Variants in IL1RAPL2 observed in about 807,000 individuals in gnomAD.
The protein encoded by IL1RAPL2 is interleukin 1 receptor accessory protein like 2.
A neutral mutation model predicts 44.1 loss-of-function variants in IL1RAPL2; 3 were observed. The observed-to-expected ratio is 0.07, with a 90% confidence interval of 0.03 to 0.18. The LOEUF (loss-of-function observed/expected upper bound fraction) is 0.18, where lower values mean the gene tolerates loss of function less well. Ranked by LOEUF, IL1RAPL2 falls within the 10% of genes least tolerant of loss-of-function variation. The pLI, the probability that IL1RAPL2 is intolerant of heterozygous loss-of-function variation, is 1.00. For missense variants in IL1RAPL2, 391 were observed against 496.4 expected (o/e 0.79, Z 2.02); for synonymous variants, 181 against 178.8 (o/e 1.01, Z -0.10).
chrX:104,845,841 A>G (rs1922034902), intron 2 of IL1RAPL2, among the ~76,000 whole-genome samples: 1 of 111,690 alleles, frequency 9.0e-6, no homozygotes, highest in African/African-American at 3.3e-5. Context: ...TTAGGTTTTC[A>G]TTGTCCCTCC....
At chrX:105,532,688 C>CCTCATG (rs1169934320) in intron 6 of IL1RAPL2, among the ~76,000 whole-genome samples, 1 of 110,703 alleles carries the variant, frequency 9.0e-6, no homozygotes, top group Non-Finnish European at 1.9e-5. Flanking sequence ...ATCCCTTTCA[C>CCTCATG]CTCATGCCTG....
intron 6 of IL1RAPL2, among the ~76,000 whole-genome samples, chrX:105,669,612 A>G (rs959602667): frequency 9.0e-6 from 1 of 110,739 alleles, no homozygotes; most frequent in African/African-American, 3.3e-5. Context: ...GATCCCATAT[A>G]CTCTTTACCC....
At chrX:104,889,463 G>T (rs965127367) in intron 2 of IL1RAPL2, among the ~76,000 whole-genome samples, 5 of 111,908 alleles carry the variant, frequency 4.5e-5, no homozygotes, top group African/African-American at 1.6e-4. Context: ...TACACAAACA[G>T]TTCTGTCTAC....
intron 2 of IL1RAPL2, among the ~76,000 whole-genome samples, chrX:105,036,970 G>T: frequency 8.9e-6 from 1 of 111,777 alleles, no homozygotes; most frequent in Non-Finnish European, 1.9e-5. Flanking sequence ...CTCTATCTTA[G>T]CTGACAAGTT....
chrX:105,381,992 G>A (rs1295943267), intron 5 of IL1RAPL2, among the ~76,000 whole-genome samples: 1 of 111,220 alleles, frequency 9.0e-6, no homozygotes, highest in Non-Finnish European at 1.9e-5. Flanking sequence ...AGACTTAAAT[G>A]TTAGACCTAA....
chrX:104,928,101 C>T (rs913171558), intron 2 of IL1RAPL2, among the ~76,000 whole-genome samples: 9 of 111,746 alleles, frequency 8.1e-5, no homozygotes, highest in African/African-American at 2.6e-4. Context: ...GCATATTAAT[C>T]ACATCATGGA....
chrX:104,641,644 A>G (rs1003254382), intron 1 of IL1RAPL2, among the ~76,000 whole-genome samples: 3 of 111,614 alleles, frequency 2.7e-5, no homozygotes, highest in Non-Finnish European at 5.7e-5. Context: ...TCAGCTGGCA[A>G]CCAAGTCCCA....
rs35940205 is a variant in IL1RAPL2, at chrX:104,592,145, ATGTGTGTGTGTGTG to A, written c.-20+25130_-20+25143del. ...ATATGATTTTTTTTAATGCCCGTATATGTGTGTGTGTGTGTGTGTGTGTGTGTGTGTGTGTGTGT... is the reference window on the plus strand; with the variant it reads ...ATATGATTTTTTTTAATGCCCGTATATGTGTGTGTGTGTGTGTGTGTGTGT... On this transcript the variant is annotated intron_variant, in intron 1 of 10. Transcript: ENST00000372582. 4.8e-4 allele frequency among the ~76,000 whole-genome samples: 29 copies of A among 60,214 alleles called. 1 individual carries two copies. Among genetic ancestry groups the A allele is most frequent in the South Asian group, 2.5e-3 (2 of 787 alleles). 52.3% of individuals were successfully genotyped at this position (60,214 alleles called of 115,157 possible).
chrX:104,764,161 T>G (rs868003478), intron 2 of IL1RAPL2, among the ~76,000 whole-genome samples: 2 of 109,491 alleles, frequency 1.8e-5, no homozygotes, highest in African/African-American at 6.6e-5. Context: ...TGTATGGACA[T>G]TTTGACACTA....
intron 3 of IL1RAPL2, among the ~76,000 whole-genome samples, chrX:105,211,825 A>G (rs1221318588): frequency 9.0e-6 from 1 of 111,287 alleles, no homozygotes; most frequent in African/African-American, 3.3e-5. Flanking sequence ...CAACCCATGG[A>G]GGGTGAGCAG....
chrX:105,079,781 C>G (rs2032375547), intron 2 of IL1RAPL2, among the ~76,000 whole-genome samples: 1 of 111,054 alleles, frequency 9.0e-6, no homozygotes, highest in South Asian at 3.9e-4. Context: ...ACCACACTGT[C>G]TTCCACAATG....
chrX:104,798,198 T>G, intron 2 of IL1RAPL2, among the ~76,000 whole-genome samples: 1 of 111,752 alleles, frequency 8.9e-6, no homozygotes, highest in Non-Finnish European at 1.9e-5. Flanking sequence ...CTGAATAATG[T>G]ATCAGCTAAG....
intron 2 of IL1RAPL2, among the ~76,000 whole-genome samples, chrX:105,173,605 G>A (rs1224114992): frequency 1.8e-5 from 2 of 111,511 alleles, no homozygotes; most frequent in Non-Finnish European, 3.8e-5. Flanking sequence ...GCCTGGCCTA[G>A]GTAGTTGTGC....
intron 2 of IL1RAPL2, among the ~76,000 whole-genome samples, chrX:104,882,390 T>C (rs940110173): frequency 4.5e-5 from 5 of 112,352 alleles, no homozygotes; most frequent in African/African-American, 1.6e-4. Flanking sequence ...GAAGCTGTTA[T>C]TTATTGCTGA....
rs1377592065 is a variant in IL1RAPL2 at position 105,451,047 on chromosome X, G to A, written c.698-33266G>A. 1.4e-4 allele frequency among the ~76,000 whole-genome samples: 15 copies of A among 109,604 alleles called. No homozygotes were observed. In the Admixed American group the frequency reaches 1.5e-3, roughly 11 times the overall value. ...CATTGCTAATTTATATCTCCTTATA[G>A]TTTCACAGTATACTCTCATGTCCAG... On this transcript the variant is annotated intron_variant, in intron 5 of 10. Coordinates refer to ENST00000372582, the MANE Select transcript of IL1RAPL2 (RefSeq NM_017416.2).
chrX:105,173,288 G>A (rs1023256297), intron 2 of IL1RAPL2, among the ~76,000 whole-genome samples: 2 of 112,024 alleles, frequency 1.8e-5, no homozygotes, highest in Non-Finnish European at 3.8e-5. Flanking sequence ...ACAACCTAGC[G>A]ATATGATGAA....
At chrX:105,066,591 A>T (rs771227383) in intron 2 of IL1RAPL2, among the ~76,000 whole-genome samples, 1 of 111,567 alleles carries the variant, frequency 9.0e-6, no homozygotes, top group Non-Finnish European at 1.9e-5. Flanking sequence ...AAAAATACCA[A>T]TGTGGCTTGT....
At chrX:104,825,267 C>A (rs958652367) in intron 2 of IL1RAPL2, among the ~76,000 whole-genome samples, 1 of 111,832 alleles carries the variant, frequency 8.9e-6, no homozygotes, top group Non-Finnish European at 1.9e-5. Context: ...TAAGGTATGG[C>A]CCTGATAGCA....
At chrX:104,829,941 C>T (rs1182533460) in intron 2 of IL1RAPL2, among the ~76,000 whole-genome samples, 1 of 111,792 alleles carries the variant, frequency 8.9e-6, no homozygotes, top group Non-Finnish European at 1.9e-5. Context: ...AAAACTGAAC[C>T]TCACACAGGT....
Sources: allele counts gnomAD v4.1 joint callset (sites outside exome capture counted in the v4.1 genomes callset), GRCh38; gene constraint gnomAD v4.1.1; transcripts MANE v1.5; gene names NCBI Gene and HGNC (gene_info 2026-07-23, HGNC 2026-07-21).